PTPN4: variants seen among roughly 807,000 people sequenced by gnomAD.
PTPN4 encodes the protein tyrosine-protein phosphatase non-receptor type 4.
PTPN4 carries 49 observed loss-of-function variants against 135.5 expected under a neutral mutation model. The observed-to-expected ratio is 0.36, with a 90% CI of 0.29 to 0.46. The LOEUF (loss-of-function observed/expected upper bound fraction) is 0.46, where lower values mean the gene tolerates loss of function less well. Among genes scored for constraint, PTPN4 ranks in the 20% least tolerant of loss-of-function variants. The pLI, the probability that PTPN4 is intolerant of heterozygous loss-of-function variation, is 1.00. For synonymous variants in PTPN4, 333 were observed against 369.9 expected, an observed-to-expected ratio of 0.90 and a Z score of 1.14; for missense variants, 860 against 1,101.0, an observed-to-expected ratio of 0.78 and a Z score of 3.10.
chr2:119,959,564 A>G (rs1679335407), intron 22 of PTPN4, among the ~76,000 whole-genome samples: 1 of 152,246 alleles, frequency 6.6e-6, no homozygotes, highest in South Asian at 2.1e-4. Context: ...AACATTAGGA[A>G]GACCTCATTC....
At position 119,809,968 on chromosome 2, in the gene PTPN4, A is replaced by G. The variant is rs368669233; in HGVS notation, c.115A>G (p.Thr39Ala). 34 of 1,611,786 alleles carry G rather than the reference A, an allele frequency of 2.1e-5. No homozygotes were observed. In the African/African-American group the frequency reaches 3.6e-4, roughly 17 times the overall value. ...TTGCAACATCCTTCTTCTGGATAACACTGTACAAGCTTTCAAAGTCAATGT... is the reference window on the plus strand; with the variant it reads ...TTGCAACATCCTTCTTCTGGATAACGCTGTACAAGCTTTCAAAGTCAATGT... ...VVCNILLLDN[T>A]VQAFKVNKHD... Residue 39 changes from threonine to alanine, a missense_variant, in exon 2 of 27, where the codon ACT (threonine) becomes GCT (alanine). Transcript: ENST00000263708.
intron 1 of PTPN4, among the ~76,000 whole-genome samples, chr2:119,760,667 T>C (rs1690469306): frequency 6.6e-6 from 1 of 151,534 alleles, no homozygotes; most frequent in African/African-American, 2.4e-5. Flanking sequence ...GGAGATGGAA[T>C]GTTCCCAGTA....
intron 1 of PTPN4, among the ~76,000 whole-genome samples, chr2:119,764,070 G>C (rs534822753): frequency 6.6e-6 from 1 of 152,258 alleles, no homozygotes; most frequent in Non-Finnish European, 1.5e-5. Flanking sequence ...ATATTCACAA[G>C]CATTATGTCT....
intron 13 of PTPN4, among the ~76,000 whole-genome samples, chr2:119,928,172 C>G (rs1678852578): frequency 6.6e-6 from 1 of 152,054 alleles, no homozygotes; most frequent in African/African-American, 2.4e-5. Flanking sequence ...TGCACATTTT[C>G]TTTGCTGTTC....
At chr2:119,859,240 C>T (rs914782091) in intron 2 of PTPN4, among the ~76,000 whole-genome samples, 1 of 152,042 alleles carries the variant, frequency 6.6e-6, no homozygotes, top group South Asian at 2.1e-4. Context: ...TGATTCCTTT[C>T]GGTGTTGACA....
chr2:119,946,767 G>A (rs1325251947), intron 18 of PTPN4, 193 bp downstream of exon 18: 3 of 475,940 alleles, frequency 6.3e-6, no homozygotes, highest in Non-Finnish European at 1.1e-5. Flanking sequence ...TAAAATCCCT[G>A]TTTTTATAAA....
intron 13 of PTPN4, among the ~76,000 whole-genome samples, chr2:119,928,211 A>G (rs1678853016): frequency 6.6e-6 from 1 of 152,140 alleles, no homozygotes; most frequent in African/African-American, 2.4e-5. Flanking sequence ...AATGGCAATA[A>G]ATCTTTTAAC....
At chr2:119,932,758 G>T (rs371897416) in intron 14 of PTPN4, among the ~76,000 whole-genome samples, 1 of 152,128 alleles carries the variant, frequency 6.6e-6, no homozygotes, top group Non-Finnish European at 1.5e-5. Context: ...TGAGAGTAGC[G>T]CATTGAATAA....
At chr2:119,910,418 C>G (rs1163586920) in intron 10 of PTPN4, among the ~76,000 whole-genome samples, 1 of 152,102 alleles carries the variant, frequency 6.6e-6, no homozygotes, top group East Asian at 1.9e-4. Flanking sequence ...TAAAGTTTGG[C>G]TGTACCAATA....
chr2:119,864,211 AT>A (rs1182666642), intron 3 of PTPN4, among the ~76,000 whole-genome samples: 1 of 152,132 alleles, frequency 6.6e-6, no homozygotes, highest in East Asian at 1.9e-4. Context: ...GGTGTATAAC[AT>A]TTTATGGCTA....
At chr2:119,882,263 C>T (rs1013558570) in intron 7 of PTPN4, 114 bp downstream of exon 7, 29 of 1,144,032 alleles carry the variant, frequency 2.5e-5, no homozygotes, top group Non-Finnish European at 3.3e-5. Flanking sequence ...AAAATAGTGA[C>T]TGCAGTGGAA....
At chr2:119,938,762 A>G (rs1032520456) in intron 15 of PTPN4, among the ~76,000 whole-genome samples, 2 of 152,080 alleles carry the variant, frequency 1.3e-5, no homozygotes, top group African/African-American at 2.4e-5. Flanking sequence ...AGATACTGAC[A>G]GGGGTGGGGG....
chr2:119,972,643 T>TA (rs968723277), intron 26 of PTPN4, among the ~76,000 whole-genome samples: 3 of 152,152 alleles, frequency 2.0e-5, no homozygotes, highest in African/African-American at 7.2e-5. Flanking sequence ...TTCCTAATCT[T>TA]AGAGGGACAG....
chr2:119,962,520 A>G (rs1487087263), intron 23 of PTPN4, 96 bp from the exon 24 acceptor site: 7 of 707,012 alleles, frequency 9.9e-6, no homozygotes, highest in Non-Finnish European at 1.4e-5. Flanking sequence ...TAACTTTTAT[A>G]TGTTTGAAAT....
intron 2 of PTPN4, among the ~76,000 whole-genome samples, chr2:119,851,010 G>A (rs1677582986): frequency 6.6e-6 from 1 of 152,092 alleles, no homozygotes; most frequent in African/African-American, 2.4e-5. Flanking sequence ...CTTTTATACT[G>A]TCTTTTTCTG....
chr2:119,969,552 CTTTTTTTTTTTTTT>C (rs35531556), intron 26 of PTPN4, among the ~76,000 whole-genome samples: 2 of 113,888 alleles, frequency 1.8e-5, no homozygotes. Flanking sequence ...TAATCAATTT[CTTTTTTTTTTTTTT>C]TTTTTTTTTT....
At chr2:119,873,252 A>G (rs1348116355) in intron 3 of PTPN4, among the ~76,000 whole-genome samples, 1 of 151,972 alleles carries the variant, frequency 6.6e-6, no homozygotes. Context: ...GCAGAAAGAT[A>G]CAGATATGCA....
At chr2:119,844,388 C>G (rs1408968672) in intron 2 of PTPN4, among the ~76,000 whole-genome samples, 1 of 145,420 alleles carries the variant, frequency 6.9e-6, no homozygotes, top group South Asian at 2.2e-4. Flanking sequence ...GGGTGGCTGC[C>G]GGGCGGAGAC....
intron 9 of PTPN4, among the ~76,000 whole-genome samples, chr2:119,892,287 A>G (rs1461250728): frequency 6.6e-6 from 1 of 152,154 alleles, no homozygotes; most frequent in Non-Finnish European, 1.5e-5. Flanking sequence ...AATGTTCTAT[A>G]TATTGGTTTG....
Sources: gnomAD v4.1 joint callset for allele counts (sites outside exome capture counted in the v4.1 genomes callset) on GRCh38, gnomAD v4.1.1 for gene constraint, MANE v1.5 for transcripts, NCBI Gene and HGNC (gene_info 2026-07-23, HGNC 2026-07-21) for gene names.